The following HES2 variants were observed in gnomAD, a reference collection of about 807,000 sequenced individuals.
HES2 encodes hes family bHLH transcription factor 2.
HES2 carries 11 observed loss-of-function variants against 11.9 expected under a neutral mutation model. That is an observed-to-expected ratio of 0.92 (90% CI 0.58 to 1.53). HES2 has a LOEUF of 1.53. Among genes scored for constraint, HES2 ranks in the 40% most tolerant of loss-of-function variants. The pLI is 0.00. For synonymous variants in HES2, 125 were observed against 122.8 expected, an observed-to-expected ratio of 1.02 and a Z score of -0.12; for missense variants, 260 against 253.8, an observed-to-expected ratio of 1.02 and a Z score of -0.16.
rs1363587671 is a variant in HES2, at chr1:6,419,371, G to C, written c.142-31C>G. 1 of 1,567,544 alleles carries C rather than the reference G, an allele frequency of 6.4e-7. No homozygotes were observed. Among genetic ancestry groups the C allele is most frequent in the Non-Finnish European group, 8.7e-7 (1 of 1,147,548 alleles). ...CCCGGCCACGAGGAAGAGCGACAGA[G>C]AACCACCAAGACAGAACTTTGGCCG... On this transcript the variant is annotated intron_variant, in intron 2 of 3. Coordinates refer to ENST00000377834, the MANE Select transcript of HES2 (RefSeq NM_019089.5). The surrounding 1 kb of genome is among the most constrained non-coding windows in gnomAD (Gnocchi z 8.1).
Position 6,416,509 on chromosome 1 carries a change from C to T in HES2, c.*2364G>A, listed in dbSNP as rs1041791911. The stretch of plus-strand genomic sequence containing the variant: ...GGCTTGCCCCCTCCCTTCCAGGGCC[C>T]ACTGACCTCCTGACTCAGGCTCCCC... On this transcript the variant is annotated 3_prime_UTR_variant, in exon 4 of 4. Coordinates refer to ENST00000377834, the MANE Select transcript of HES2 (RefSeq NM_019089.5). 4 of 152,324 alleles carry T rather than the reference C, an allele frequency of 2.6e-5. No individual in the cohort carries two copies. Among genetic ancestry groups the T allele is most frequent in the African/African-American group, 9.6e-5 (4 of 41,464 alleles). The allele number at this position is 152,324 out of a possible 1,614,324, so 9.4% of individuals were successfully genotyped here. A position where few individuals can be genotyped will look rare whatever the true frequency, so the allele number is the denominator to read the frequency against.
chr1:6,419,550 C>T lies in HES2; in HGVS notation c.141+57G>A. ...GGTTCCTCCCGCAGGAGCACCCCGT[C>T]CCCCTGCCCCCGCTCCGCGCCCCAG... On this transcript the variant is annotated intron_variant, in intron 2 of 3. Transcript: ENST00000377834. This position sits in a 1 kb window ranked among gnomAD's most constrained non-coding sequence, Gnocchi z 8.1. 1.4e-6 allele frequency: 2 copies of T among 1,394,046 alleles called. No individual in the cohort carries two copies. Among genetic ancestry groups the T allele is most frequent in the South Asian group, 2.7e-5 (2 of 75,456 alleles). 86.4% of individuals were successfully genotyped at this position (1,394,046 alleles called of 1,614,324 possible). A position where few individuals can be genotyped will look rare whatever the true frequency, so the allele number is the denominator to read the frequency against.
In HES2 at chr1:6,419,500, G is replaced by C; in HGVS notation, c.141+107C>G. The C allele has an allele frequency of 8.2e-7, 1 of 1,222,888 alleles. No homozygotes were observed. Among genetic ancestry groups the C allele is most frequent in the Non-Finnish European group, 1.1e-6 (1 of 904,104 alleles). 75.8% of individuals were successfully genotyped at this position (1,222,888 alleles called of 1,614,324 possible). ...GCCCACCCCACCCAGGCTCCGCCTC[G>C]GGCGCCGCGCGGAACCCCCTGGTGG... On this transcript the variant is annotated intron_variant, in intron 2 of 3. Coordinates refer to ENST00000377834, the MANE Select transcript of HES2 (RefSeq NM_019089.5). The surrounding 1 kb of genome is among the most constrained non-coding windows in gnomAD (Gnocchi z 8.1).
At position 6,419,846 on chromosome 1, in the gene HES2, G is replaced by C; in HGVS notation, c.-26C>G. On this transcript the variant is annotated 5_prime_UTR_variant, in exon 1 of 4. Coordinates refer to ENST00000377834, the MANE Select transcript of HES2 (RefSeq NM_019089.5). This position sits in a 1 kb window ranked among gnomAD's most constrained non-coding sequence, Gnocchi z 8.1. ...GCTCCGCGGGGAAGCGGTGGCAGCT[G>C]CGAGCCCCACGCAAAGGGAAACCGA... The C allele has an allele frequency of 6.5e-7, 1 of 1,529,872 alleles. No homozygotes were observed. Among genetic ancestry groups the C allele is most frequent in the Non-Finnish European group, 8.7e-7 (1 of 1,143,776 alleles). 94.8% of individuals were successfully genotyped at this position (1,529,872 alleles called of 1,614,324 possible).
In HES2 at chr1:6,415,528, G is replaced by A. The variant is rs528201375; in HGVS notation, c.*3345C>T. ...CTCAGGATCCCAGACTGCAGGAGTCGTCTGGGATCACAGGCGGGGCAGAGC... is the reference window on the plus strand; with the variant it reads ...CTCAGGATCCCAGACTGCAGGAGTCATCTGGGATCACAGGCGGGGCAGAGC... On this transcript the variant is annotated 3_prime_UTR_variant, in exon 4 of 4. Transcript: ENST00000377834. 1 of 151,496 alleles carries A rather than the reference G, an allele frequency of 6.6e-6. No individual in the cohort carries two copies. The highest frequency in any genetic ancestry group is 1.5e-5 in the Non-Finnish European group (1 of 67,934). The allele number at this position is 151,496 out of a possible 1,614,324, so 9.4% of individuals were successfully genotyped here. A position where few individuals can be genotyped will look rare whatever the true frequency, so the allele number is the denominator to read the frequency against.
In HES2 at chr1:6,415,751, G is replaced by A. The variant is rs918068504; in HGVS notation, c.*3122C>T. The A allele has an allele frequency of 2.0e-5, 3 of 152,314 alleles. No individual in the cohort carries two copies. Among genetic ancestry groups the A allele is most frequent in the African/African-American group, 4.8e-5 (2 of 41,412 alleles). The allele number at this position is 152,314 out of a possible 1,614,324, so 9.4% of individuals were successfully genotyped here. On this transcript the variant is annotated 3_prime_UTR_variant, in exon 4 of 4. Transcript: ENST00000377834. ...CAGCTTAGTGCTCTGGCTGTCCTTA[G>A]GTCACTGAATCATTTCACCCGCTAG...
chr1:6,416,119 C>T lies in HES2; in HGVS notation c.*2754G>A, dbSNP rs1398360735. 2 of 152,236 alleles carry T rather than the reference C, an allele frequency of 1.3e-5. No individual in the cohort carries two copies. The highest frequency in any genetic ancestry group is 2.9e-5 in the Non-Finnish European group (2 of 68,062). 9.4% of individuals were successfully genotyped at this position (152,236 alleles called of 1,614,324 possible). On this transcript the variant is annotated 3_prime_UTR_variant, in exon 4 of 4. Transcript: ENST00000377834. Reference sequence around the variant, plus strand: ...TGAGAAAGAGACATGGGAGCCTTTTCCCCAGCTGGGGCAATCATCAGACAG... The same window carrying T: ...TGAGAAAGAGACATGGGAGCCTTTTTCCCAGCTGGGGCAATCATCAGACAG...
In HES2 at chr1:6,419,676, G is replaced by A. The variant is rs1642889882; in HGVS notation, c.72C>T (p.Arg24=). 2 of 1,556,346 alleles carry A rather than the reference G, an allele frequency of 1.3e-6. No individual in the cohort carries two copies. ...RKSLKPLLEK[R]RRARINQSLS... Reference sequence around the variant, plus strand: ...GGCTCTGGTTGATGCGCGCGCGCCGGCGCTTCTCCAGCAGCGGCTTCAGGC... The same window carrying A: ...GGCTCTGGTTGATGCGCGCGCGCCGACGCTTCTCCAGCAGCGGCTTCAGGC... The change falls in exon 2 of 4, where the codon CGC becomes CGT. Residue 24 remains arginine, a synonymous_variant. Coordinates refer to ENST00000377834, the MANE Select transcript of HES2 (RefSeq NM_019089.5). The surrounding 1 kb of genome is among the most constrained non-coding windows in gnomAD (Gnocchi z 8.1).
Position 6,419,652 on chromosome 1 carries a change from G to C in HES2, c.96C>G (p.Ser32Arg). 6.4e-7 allele frequency: 1 copy of C among 1,554,508 alleles called. No individual in the cohort carries two copies. The highest frequency in any genetic ancestry group is 8.7e-7 in the Non-Finnish European group (1 of 1,153,410). The change falls in exon 2 of 4, where the codon AGC (serine) becomes AGG (arginine). Residue 32 changes from serine to arginine, a missense_variant. By Grantham distance (110) the Ser-to-Arg change is moderately radical (BLOSUM62 -1). Transcript: ENST00000377834. The surrounding 1 kb of genome is among the most constrained non-coding windows in gnomAD (Gnocchi z 8.1). ...GGATGAGCCCCTTAAGCTGGCTCAG[G>C]CTCTGGTTGATGCGCGCGCGCCGGC... The part of the protein sequence containing the change: ...EKRRRARINQ[S>R]LSQLKGLILP...
rs1028414096 is a variant in HES2, at chr1:6,418,646, A to G, written c.*227T>C. 2.7e-5 allele frequency: 11 copies of G among 402,372 alleles called. No homozygotes were observed. The highest frequency in any genetic ancestry group is 4.7e-5 in the Non-Finnish European group (11 of 231,788). 24.9% of individuals were successfully genotyped at this position (402,372 alleles called of 1,614,324 possible). Reference sequence around the variant, plus strand: ...TGCTGCCTCTTGTCCTTTCTTCTCCAGCCAAGTTGGGGGTGAAGCAGGGAC... The same window carrying G: ...TGCTGCCTCTTGTCCTTTCTTCTCCGGCCAAGTTGGGGGTGAAGCAGGGAC... On this transcript the variant is annotated 3_prime_UTR_variant, in exon 4 of 4. Coordinates refer to ENST00000377834, the MANE Select transcript of HES2 (RefSeq NM_019089.5).
rs35547930 is a variant in HES2, at chr1:6,417,341, GC to G, written c.*1531del. The G allele has an allele frequency of 0.11, 16,175 of 152,236 alleles. 991 individuals are homozygous for G. Among genetic ancestry groups the G allele is most frequent in the African/African-American group, 0.16 (6,576 of 41,482 alleles). 9.4% of individuals were successfully genotyped at this position (152,236 alleles called of 1,614,324 possible). On this transcript the variant is annotated 3_prime_UTR_variant, in exon 4 of 4. Coordinates refer to ENST00000377834, the MANE Select transcript of HES2 (RefSeq NM_019089.5). ...ACTCCCACATTGGTTCTGTCTTCTT[GC>G]CCCCGGTGCTCTGGTCCCTAGCACA...
rs1642892440 is a variant in HES2, at chr1:6,419,851, C to A, written c.-31G>T. 2 of 1,533,824 alleles carry A rather than the reference C, an allele frequency of 1.3e-6. No individual in the cohort carries two copies. The highest frequency in any genetic ancestry group is 1.7e-6 in the Non-Finnish European group (2 of 1,145,364). ...GCGGGGAAGCGGTGGCAGCTGCGAG[C>A]CCCACGCAAAGGGAAACCGAGGTCC... On this transcript the variant is annotated 5_prime_UTR_variant, in exon 1 of 4. Coordinates refer to ENST00000377834, the MANE Select transcript of HES2 (RefSeq NM_019089.5). This position sits in a 1 kb window ranked among gnomAD's most constrained non-coding sequence, Gnocchi z 8.1.
chr1:6,419,476 C>G lies in HES2; in HGVS notation c.141+131G>C. On this transcript the variant is annotated intron_variant, in intron 2 of 3. Coordinates refer to ENST00000377834, the MANE Select transcript of HES2 (RefSeq NM_019089.5). The surrounding 1 kb of genome is among the most constrained non-coding windows in gnomAD (Gnocchi z 8.1). Reference sequence around the variant, plus strand: ...CCTGCTGGGGGTCCGCTCCGACGCGCCCACCCCACCCAGGCTCCGCCTCGG... The same window carrying G: ...CCTGCTGGGGGTCCGCTCCGACGCGGCCACCCCACCCAGGCTCCGCCTCGG... 1 of 1,144,820 alleles carries G rather than the reference C, an allele frequency of 8.7e-7. No individual in the cohort carries two copies. The highest frequency in any genetic ancestry group is 1.2e-6 in the Non-Finnish European group (1 of 828,016). 70.9% of individuals were successfully genotyped at this position (1,144,820 alleles called of 1,614,324 possible). A position where few individuals can be genotyped will look rare whatever the true frequency, so the allele number is the denominator to read the frequency against.
Position 6,419,196 on chromosome 1 carries a change from G to T in HES2, c.242-43C>A. The T allele has an allele frequency of 6.3e-7, 1 of 1,588,818 alleles. No individual in the cohort carries two copies. The highest frequency in any genetic ancestry group is 8.5e-7 in the Non-Finnish European group (1 of 1,172,804). On this transcript the variant is annotated intron_variant, in intron 3 of 3. Coordinates refer to ENST00000377834, the MANE Select transcript of HES2 (RefSeq NM_019089.5). The surrounding 1 kb of genome is among the most constrained non-coding windows in gnomAD (Gnocchi z 8.1). ...CGTGAGGCGCGGGGTAGGGTGCCGGGTGCGGGGTGCAGAGCGCGCGGCAGG... is the reference window on the plus strand; with the variant it reads ...CGTGAGGCGCGGGGTAGGGTGCCGGTTGCGGGGTGCAGAGCGCGCGGCAGG...
At position 6,418,813 on chromosome 1, in the gene HES2, A is replaced by C; in HGVS notation, c.*60T>G. On this transcript the variant is annotated 3_prime_UTR_variant, in exon 4 of 4. Transcript: ENST00000377834. ...AACAGCAGCCGCCACCAAGAGCTTC[A>C]ACCTGTCCAGTGCCCCAAGGTCCCA... is the stretch of plus-strand genomic sequence containing the variant. The C allele has an allele frequency of 7.8e-7, 1 of 1,277,872 alleles. No individual in the cohort carries two copies. The highest frequency in any genetic ancestry group is 9.8e-7 in the Non-Finnish European group (1 of 1,017,482). 79.2% of individuals were successfully genotyped at this position (1,277,872 alleles called of 1,614,324 possible). A position where few individuals can be genotyped will look rare whatever the true frequency, so the allele number is the denominator to read the frequency against.
rs547606027 is a variant in HES2, at chr1:6,418,046, T to C, written c.*827A>G. ...TGGCAGGGGCCCTGCTCACCCCACA[T>C]TGGCACAGACTCTGCTGGAGTCAGA... On this transcript the variant is annotated 3_prime_UTR_variant, in exon 4 of 4. Coordinates refer to ENST00000377834, the MANE Select transcript of HES2 (RefSeq NM_019089.5). 3 of 152,368 alleles carry C rather than the reference T, an allele frequency of 2.0e-5. No homozygotes were observed. The South Asian group carries it at 6.2e-4, about 32-fold the overall frequency. 9.4% of individuals were successfully genotyped at this position (152,368 alleles called of 1,614,324 possible).
At position 6,419,674 on chromosome 1, in the gene HES2, C is replaced by T. The variant is rs769349251; in HGVS notation, c.74G>A (p.Arg25Gln). 1 of 1,556,036 alleles carries T rather than the reference C, an allele frequency of 6.4e-7. No individual in the cohort carries two copies. The highest frequency in any genetic ancestry group is 1.2e-5 in the South Asian group (1 of 84,706). Residue 25 changes from arginine (R) to glutamine (Q), a missense_variant, in exon 2 of 4, where the codon CGG (arginine) becomes CAG (glutamine). By Grantham distance (43) the Arg-to-Gln change is conservative (BLOSUM62 1). Transcript: ENST00000377834. This position sits in a 1 kb window ranked among gnomAD's most constrained non-coding sequence, Gnocchi z 8.1. ...CAGGCTCTGGTTGATGCGCGCGCGC[C>T]GGCGCTTCTCCAGCAGCGGCTTCAG... is the stretch of plus-strand genomic sequence containing the variant. ...KSLKPLLEKR[R>Q]RARINQSLSQ...
chr1:6,418,172 C>T lies in HES2; in HGVS notation c.*701G>A, dbSNP rs1473241420. 1 of 152,308 alleles carries T rather than the reference C, an allele frequency of 6.6e-6. No individual in the cohort carries two copies. The highest frequency in any genetic ancestry group is 2.4e-5 in the African/African-American group (1 of 41,452). 9.4% of individuals were successfully genotyped at this position (152,308 alleles called of 1,614,324 possible). A position where few individuals can be genotyped will look rare whatever the true frequency, so the allele number is the denominator to read the frequency against. ...ACTGCATAGCCTGGGGTGCAATGCC[C>T]AGGTGTGAAATTGATGCTCGGGAAA... On this transcript the variant is annotated 3_prime_UTR_variant, in exon 4 of 4. Transcript: ENST00000377834.
At position 6,417,555 on chromosome 1, in the gene HES2, G is replaced by A. The variant is rs1182443084; in HGVS notation, c.*1318C>T. 6.6e-6 allele frequency: 1 copy of A among 152,188 alleles called. No homozygotes were observed. Among genetic ancestry groups the A allele is most frequent in the African/African-American group, 2.4e-5 (1 of 41,436 alleles). The allele number at this position is 152,188 out of a possible 1,614,324, so 9.4% of individuals were successfully genotyped here. ...TCCTGGGATCAGCAGCCCCTTCCTA[G>A]CCTTCACAGGGACTCTAGGCCTCCA... On this transcript the variant is annotated 3_prime_UTR_variant, in exon 4 of 4. Transcript: ENST00000377834.
Sources: gnomAD v4.1 joint callset for allele counts on GRCh38, gnomAD v4.1.1 for gene constraint, Gnocchi (gnomAD v3.1) non-coding constraint, MANE v1.5 for transcripts, NCBI Gene and HGNC (gene_info 2026-07-23, HGNC 2026-07-21) for gene names.